GDAP1: variants seen among roughly 807,000 people sequenced by gnomAD.
The protein encoded by GDAP1 is ganglioside-induced differentiation-associated protein 1.
GDAP1 carries 34 observed loss-of-function variants against 40.1 expected under a neutral mutation model. That is an observed-to-expected ratio of 0.85 (90% CI 0.64 to 1.13). The LOEUF is 1.13. Among genes scored for constraint, GDAP1 ranks in the 50% most tolerant of loss-of-function variants. GDAP1 has a pLI of 0.00. For missense variants in GDAP1, 374 were observed against 433.7 expected, an observed-to-expected ratio of 0.86 and a Z score of 1.22; for synonymous variants, 170 against 157.4, an observed-to-expected ratio of 1.08 and a Z score of -0.60.
At chr8:74,408,116 C>G (rs1210160783) in intron 2 of GDAP1, among the ~76,000 whole-genome samples, 2 of 150,022 alleles carry the variant, frequency 1.3e-5, no homozygotes, top group Non-Finnish European at 2.9e-5. Flanking sequence ...TCCTGAGCAA[C>G]CAAAATCTGT....
intron 2 of GDAP1, among the ~76,000 whole-genome samples, chr8:74,410,119 T>A (rs1449420579): frequency 6.7e-6 from 1 of 150,116 alleles, no homozygotes; most frequent in East Asian, 1.9e-4. Flanking sequence ...GTCAAGAGAA[T>A]ATGACATATG....
intron 2 of GDAP1, among the ~76,000 whole-genome samples, chr8:74,373,695 A>G (rs1019342862): frequency 3.3e-5 from 5 of 152,212 alleles, no homozygotes; most frequent in Admixed American, 1.3e-4. Context: ...TAATCATGTC[A>G]TCTGCAAACA....
rs370410607 is a variant in GDAP1 at position 74,363,990 on chromosome 8, G to A, written c.700G>A (p.Gly234Ser). 15 of 1,613,900 alleles carry A rather than the reference G, an allele frequency of 9.3e-6. No individual in the cohort carries two copies. The highest frequency in any genetic ancestry group is 2.2e-5 in the South Asian group (2 of 91,080). The change falls in exon 6 of 6, where the codon GGC (glycine) becomes AGC (serine). Residue 234 changes from glycine to serine, a missense_variant. Physicochemically the swap from Gly to Ser is moderately conservative, Grantham distance 56. Coordinates refer to ENST00000220822, the MANE Select transcript of GDAP1 (RefSeq NM_018972.4). Reference sequence around the variant, plus strand: ...ATGTCCCTTTCTCTAATTAGAAGAGGGCCAGCAACCTTGGCTCTGCGGTGA... The same window carrying A: ...ATGTCCCTTTCTCTAATTAGAAGAGAGCCAGCAACCTTGGCTCTGCGGTGA... ...QRRNEETPEE[G>S]QQPWLCGESF...
chr8:74,486,058 GT>G (rs1306904996), intron 2 of GDAP1, among the ~76,000 whole-genome samples: 1 of 152,266 alleles, frequency 6.6e-6, no homozygotes, highest in Non-Finnish European at 1.5e-5. Flanking sequence ...GGAAATCCAT[GT>G]TAGCAAGACT....
rs1323353491 is a variant in GDAP1, at chr8:74,416,902, GT to G, written c.165+65592del. ...TCCCAGCACTTTCCACTTATGAAAA[GT>G]TTTTTTTTTTGTTTTTTTGTTTTTT... is the stretch of plus-strand genomic sequence containing the variant. On this transcript the variant is annotated intron_variant, in intron 2 of 2. Coordinates refer to the GDAP1 transcript ENST00000523640. Among the ~76,000 whole-genome samples, 38 of 135,214 alleles carry G rather than the reference GT, an allele frequency of 2.8e-4. 1 individual carries two copies. The highest frequency in any genetic ancestry group is 6.9e-4 in the African/African-American group (23 of 33,136). 88.7% of individuals were successfully genotyped at this position (135,214 alleles called of 152,430 possible).
intron 2 of GDAP1, among the ~76,000 whole-genome samples, chr8:74,352,038 A>G (rs1808901085): frequency 6.6e-6 from 1 of 152,228 alleles, no homozygotes. Context: ...TAATTTCTTC[A>G]ATAATGTCTT....
At chr8:74,412,578 A>G (rs1805727830) in intron 2 of GDAP1, among the ~76,000 whole-genome samples, 1 of 150,284 alleles carries the variant, frequency 6.7e-6, no homozygotes. Context: ...AGAAGTTAGT[A>G]GAATAATAGA....
At chr8:74,432,904 A>G (rs1252852187) in intron 2 of GDAP1, among the ~76,000 whole-genome samples, 1 of 152,202 alleles carries the variant, frequency 6.6e-6, no homozygotes, top group Non-Finnish European at 1.5e-5. Flanking sequence ...TGTACTTGGA[A>G]TAAAATCTTA....
At chr8:74,436,420 CTTTTTT>C (rs11337545) in intron 2 of GDAP1, among the ~76,000 whole-genome samples, 1 of 110,356 alleles carries the variant, frequency 9.1e-6, no homozygotes, top group Non-Finnish European at 1.9e-5. Flanking sequence ...CCATCCCTTC[CTTTTTT>C]TTTTTTTTTT....
At chr8:74,410,351 A>T (rs982918073) in intron 2 of GDAP1, among the ~76,000 whole-genome samples, 2 of 150,274 alleles carry the variant, frequency 1.3e-5, no homozygotes, top group Middle Eastern at 6.8e-3. Flanking sequence ...ATTTTTTACC[A>T]TTAGCAGTAA....
Position 74,427,868 on chromosome 8 carries a change from A to G in GDAP1, c.166-60810A>G, listed in dbSNP as rs192347255. ...GCCTTGTGCATATATTACCTTTTGC[A>G]TATATTACCTATTAATTTTTAAAAA... is the stretch of plus-strand genomic sequence containing the variant. On this transcript the variant is annotated intron_variant, in intron 2 of 2. Transcript: ENST00000523640. Among the ~76,000 whole-genome samples, 9 of 152,308 alleles carry G rather than the reference A, an allele frequency of 5.9e-5. No individual in the cohort carries two copies. The East Asian group carries it at 1.7e-3, about 29-fold the overall frequency.
intron 2 of GDAP1, among the ~76,000 whole-genome samples, chr8:74,468,891 A>T (rs1232136916): frequency 6.6e-6 from 1 of 152,118 alleles, no homozygotes; most frequent in Non-Finnish European, 1.5e-5. Flanking sequence ...CTTTAGTGGG[A>T]ATTCCTCAGT....
intron 2 of GDAP1, among the ~76,000 whole-genome samples, chr8:74,420,659 C>T (rs576272790): frequency 6.6e-6 from 1 of 152,282 alleles, no homozygotes; most frequent in South Asian, 2.1e-4. Context: ...TAATGTGACT[C>T]TCTGAAGTAG....
At chr8:74,401,599 A>C (rs1586822940) in intron 2 of GDAP1, among the ~76,000 whole-genome samples, 2 of 140,486 alleles carry the variant, frequency 1.4e-5, no homozygotes, top group Non-Finnish European at 3.1e-5. Flanking sequence ...CTGGTGAGGA[A>C]ATGCGTTCCT....
intron 2 of GDAP1, among the ~76,000 whole-genome samples, chr8:74,356,718 T>TATATA (rs1563440394): frequency 2.1e-5 from 2 of 96,526 alleles, no homozygotes; most frequent in Admixed American, 9.3e-5. Flanking sequence ...ATATATATAT[T>TATATA]TTTTTTTTTT....
intron 4 of GDAP1, 87 bp downstream of exon 4, chr8:74,362,065 C>A: frequency 1.3e-6 from 1 of 782,016 alleles, no homozygotes; most frequent in Non-Finnish European, 2.3e-6. Context: ...TCTAGAATAT[C>A]TTCTTTTAAA....
In GDAP1 at chr8:74,366,415, C is replaced by G; in HGVS notation, c.*2048C>G. 2.2e-6 allele frequency: 1 copy of G among 454,392 alleles called. No individual in the cohort carries two copies. The highest frequency in any genetic ancestry group is 4.4e-6 in the Non-Finnish European group (1 of 226,726). The allele number at this position is 454,392 out of a possible 1,614,324, so 28.1% of individuals were successfully genotyped here. ...AGGGCATCTTCATCAGATTATTCTTCTGTTTTAAAAAAAAGCTTGAGGCAA... is the reference window on the plus strand; with the variant it reads ...AGGGCATCTTCATCAGATTATTCTTGTGTTTTAAAAAAAAGCTTGAGGCAA... On this transcript the variant is annotated 3_prime_UTR_variant, in exon 6 of 6. Transcript: ENST00000220822.
At chr8:74,421,549 T>G (rs927654843) in intron 2 of GDAP1, among the ~76,000 whole-genome samples, 2 of 152,152 alleles carry the variant, frequency 1.3e-5, no homozygotes, top group Non-Finnish European at 2.9e-5. Flanking sequence ...GATTCTTGCC[T>G]GGGAGTGAGT....
chr8:74,482,129 G>GT (rs1475079747), intron 2 of GDAP1, among the ~76,000 whole-genome samples: 3 of 143,100 alleles, frequency 2.1e-5, no homozygotes, highest in Non-Finnish European at 3.1e-5. Context: ...TGGGGGGGGG[G>GT]GGTCATCTTT....
Sources: allele counts gnomAD v4.1 joint callset (sites outside exome capture counted in the v4.1 genomes callset), GRCh38; gene constraint gnomAD v4.1.1; transcripts MANE v1.5; gene names NCBI Gene and HGNC (gene_info 2026-07-23, HGNC 2026-07-21).